The following CLVS1 variants were observed in gnomAD, a reference collection of about 807,000 sequenced individuals.
CLVS1 encodes clavesin 1.
Under a neutral mutation model 33.1 loss-of-function variants are expected in CLVS1, and 10 were observed. The ratio of observed to expected loss-of-function variants is 0.30; its 90% CI spans 0.19 to 0.51. CLVS1 has a LOEUF of 0.51. CLVS1 is among the 20% of genes least tolerant of loss of function. The pLI, the probability that CLVS1 is intolerant of heterozygous loss-of-function variation, is 0.97. For synonymous variants in CLVS1, 163 were observed against 166.1 expected, an observed-to-expected ratio of 0.98 and a Z score of 0.14; for missense variants, 343 against 433.4, an observed-to-expected ratio of 0.79 and a Z score of 1.85.
At chr8:61,370,301 C>T (rs1813380459) in intron 2 of CLVS1, 2 of 152,060 alleles carry the variant, frequency 1.3e-5, no homozygotes, top group Admixed American at 6.5e-5. Context: ...GCACCTGTCA[C>T]CTGAACAGTG....
At chr8:61,218,644 AAAC>A (rs1348685676) in intron 2 of CLVS1, among the ~76,000 whole-genome samples, 1 of 149,858 alleles carries the variant, frequency 6.7e-6, no homozygotes, top group Non-Finnish European at 1.5e-5. Flanking sequence ...AATAAAAAAA[AAAC>A]AACAAGGCCA....
chr8:61,376,915 T>G (rs1296668790), intron 3 of CLVS1, 136 bp downstream of exon 3: 1 of 741,210 alleles, frequency 1.3e-6, no homozygotes, highest in East Asian at 2.9e-5. Context: ...TACTCCATGT[T>G]TTTGCCTCAG....
At chr8:60,981,535 T>C in the CLVS1 span, among the ~76,000 whole-genome samples, 23 of 152,346 alleles carry the variant, frequency 1.5e-4, no homozygotes, top group South Asian at 4.6e-3. Context: ...TCATACTCGC[T>C]GTTGCTTTGC....
intron 2 of CLVS1, among the ~76,000 whole-genome samples, chr8:61,183,732 A>G (rs188501383): frequency 6.6e-5 from 10 of 152,258 alleles, no homozygotes; most frequent in Admixed American, 5.2e-4. Flanking sequence ...TTCTCACTCT[A>G]TTAAGGAAGA....
intron 3 of CLVS1, among the ~76,000 whole-genome samples, chr8:61,432,873 C>T (rs1816168129): frequency 6.6e-6 from 1 of 152,066 alleles, no homozygotes; most frequent in South Asian, 2.1e-4. Flanking sequence ...GTGTCCTGTG[C>T]TTTTTCCAAA....
chr8:60,978,588 G>A, the CLVS1 span, among the ~76,000 whole-genome samples: 1 of 152,050 alleles, frequency 6.6e-6, no homozygotes. Flanking sequence ...GCCGAGGCAG[G>A]CGGATCACCT....
At chr8:61,258,261 T>C (rs936100126) in intron 2 of CLVS1, among the ~76,000 whole-genome samples, 2 of 152,210 alleles carry the variant, frequency 1.3e-5, no homozygotes, top group African/African-American at 4.8e-5. Context: ...GTGTAAAAAT[T>C]CCTTGGCATC....
chr8:61,466,410 T>A (rs1291541189), intron 5 of CLVS1, among the ~76,000 whole-genome samples: 1 of 152,016 alleles, frequency 6.6e-6, no homozygotes, highest in Admixed American at 6.5e-5. Context: ...TGAAAGGAGT[T>A]TTGTTGGAGA....
At chr8:61,311,539 T>C (rs2129595514) in intron 2 of CLVS1, among the ~76,000 whole-genome samples, 1 of 152,258 alleles carries the variant, frequency 6.6e-6, no homozygotes, top group Middle Eastern at 3.4e-3. Flanking sequence ...CATCCCTGCG[T>C]GCCCGGGTGG....
chr8:61,177,455 G>A lies in CLVS1; in HGVS notation c.-152+45595G>A, dbSNP rs73682200. ...AGACGAGTAAGATTCCCCCCAGTGC[G>A]GCACACCCTCTCCACCGAGGGACAA... On this transcript the variant is annotated intron_variant, in intron 2 of 2. Coordinates refer to the CLVS1 transcript ENST00000522621. Among the ~76,000 whole-genome samples the A allele has an allele frequency of 5.1e-3, 781 of 152,210 alleles. 6 individuals are homozygous for A. Among genetic ancestry groups the A allele is most frequent in the African/African-American group, 0.018 (732 of 41,536 alleles).
intron 2 of CLVS1, among the ~76,000 whole-genome samples, chr8:61,361,427 TGC>T (rs1254979201): frequency 2.6e-5 from 4 of 152,224 alleles, no homozygotes; most frequent in Non-Finnish European, 5.9e-5. Flanking sequence ...AATCCCAAGA[TGC>T]TAGGTTGTCT....
At chr8:61,419,415 A>T (rs890647520) in intron 3 of CLVS1, among the ~76,000 whole-genome samples, 9 of 151,902 alleles carry the variant, frequency 5.9e-5, no homozygotes, top group Admixed American at 1.3e-4. Flanking sequence ...AAAAAAAAAA[A>T]ATATTTAAAA....
At chr8:61,474,594 G>A (rs1817846087) in intron 5 of CLVS1, among the ~76,000 whole-genome samples, 1 of 152,184 alleles carries the variant, frequency 6.6e-6, no homozygotes, top group Non-Finnish European at 1.5e-5. Context: ...AGTAAAGAGG[G>A]AGAATTGGAA....
At chr8:61,159,533 A>G (rs948583372) in intron 2 of CLVS1, among the ~76,000 whole-genome samples, 5 of 152,208 alleles carry the variant, frequency 3.3e-5, no homozygotes, top group African/African-American at 1.2e-4. Flanking sequence ...TTTTGTCTCC[A>G]TTAATCAAAT....
At chr8:61,287,006 C>A (rs1264349117), upstream of CLVS1, among the ~76,000 whole-genome samples, 2 of 152,068 alleles carry the variant, frequency 1.3e-5, no homozygotes, top group Admixed American at 1.3e-4. Flanking sequence ...TTGACAATTT[C>A]TATGATCGTA....
intron 2 of CLVS1, among the ~76,000 whole-genome samples, chr8:61,250,983 G>C (rs1408752780): frequency 2.0e-5 from 3 of 152,298 alleles, no homozygotes; most frequent in Non-Finnish European, 2.9e-5. Context: ...GGGCATCCTT[G>C]TCTTGTGCCA....
At chr8:61,208,158 T>C (rs938776659) in intron 2 of CLVS1, among the ~76,000 whole-genome samples, 1 of 152,226 alleles carries the variant, frequency 6.6e-6, no homozygotes, top group African/African-American at 2.4e-5. Context: ...TGCACACTGA[T>C]AGATGAAGTA....
At chr8:61,211,433 C>G (rs150547081) in intron 2 of CLVS1, among the ~76,000 whole-genome samples, 12 of 151,074 alleles carry the variant, frequency 7.9e-5, no homozygotes, top group Admixed American at 2.0e-4. Context: ...CCTTCTCCTC[C>G]TGTTCTTCCT....
chr8:61,313,308 C>T (rs987565563), intron 2 of CLVS1, among the ~76,000 whole-genome samples: 1 of 152,124 alleles, frequency 6.6e-6, no homozygotes, highest in African/African-American at 2.4e-5. Context: ...GAAGAAAGAG[C>T]TTGCCAAGCT....
Sources: allele counts gnomAD v4.1 joint callset (sites outside exome capture counted in the v4.1 genomes callset), GRCh38; gene constraint gnomAD v4.1.1; transcripts MANE v1.5; gene names NCBI Gene and HGNC (gene_info 2026-07-23, HGNC 2026-07-21).